The following TBX20 variants were observed in gnomAD, a reference collection of about 807,000 sequenced individuals.
The protein encoded by TBX20 is T-box transcription factor TBX20.
A neutral mutation model predicts 42.9 loss-of-function variants in TBX20; 8 were observed. The ratio of observed to expected loss-of-function variants is 0.19; its 90% CI spans 0.11 to 0.34. TBX20 has a LOEUF of 0.34. TBX20 is among the 10% of genes least tolerant of loss of function. TBX20 has a pLI of 1.00. For synonymous variants in TBX20, 198 were observed against 222.8 expected (o/e 0.89, Z 0.99); for missense variants, 411 against 566.0 (o/e 0.73, Z 2.78).
intron 6 of TBX20, among the ~76,000 whole-genome samples, chr7:35,228,095 TAA>T (rs70981903): frequency 0.12 from 17,537 of 150,246 alleles, 1,270 homozygotes; most frequent in Middle Eastern, 0.27. Context: ...AATACTATGA[TAA>T]AAAAAAAAAC....
chr7:35,217,125 T>C (rs949235513), intron 6 of TBX20, among the ~76,000 whole-genome samples: 110 of 152,346 alleles, frequency 7.2e-4, no homozygotes, highest in Middle Eastern at 3.4e-3. Context: ...GACTCTAACT[T>C]AATCTTTTAA....
At position 35,248,771 on chromosome 7, in the gene TBX20, C is replaced by T. The variant is rs1790246630; in HGVS notation, c.451G>A (p.Asp151Asn). The change falls in exon 3 of 8, where the codon GAC becomes AAC. Residue 151 changes from aspartate (D) to asparagine (N), a missense_variant. Asp to Asn is a conservative substitution (Grantham distance 23). Around this residue, in one of 5 missense-constraint regions of TBX20, gnomAD observed 121 missense variants for 165.9 expected, o/e 0.73. Coordinates refer to ENST00000408931, the MANE Select transcript of TBX20 (RefSeq NM_001077653.2). Reference sequence around the variant, plus strand: ...CTCTTGTTGTCCACAGGGACGATGTCCATCAGGACTATGTACTTGGCCTCA... The same window carrying T: ...CTCTTGTTGTCCACAGGGACGATGTTCATCAGGACTATGTACTTGGCCTCA... Reference protein sequence around the residue: ...DPEAKYIVLMDIVPVDNKRYR... With the variant: ...DPEAKYIVLMNIVPVDNKRYR... 1 of 1,614,006 alleles carries T rather than the reference C, an allele frequency of 6.2e-7. No individual in the cohort carries two copies. The highest frequency in any genetic ancestry group is 8.5e-7 in the Non-Finnish European group (1 of 1,180,044).
rs1790148644 is a variant in TBX20, at chr7:35,244,835, A to G, written c.654+114T>C. The G allele has an allele frequency of 8.0e-6, 6 of 750,828 alleles. No individual in the cohort carries two copies. In the South Asian group the frequency reaches 8.7e-5, roughly 11 times the overall value. The allele number at this position is 750,828 out of a possible 1,614,324, so 46.5% of individuals were successfully genotyped here. A position where few individuals can be genotyped will look rare whatever the true frequency, so the allele number is the denominator to read the frequency against. The stretch of plus-strand genomic sequence containing the variant: ...AATGTTCCCATAAAATGACTCAGAG[A>G]TAGAAGGTGGGAAGGGGATAGGGAA... On this transcript the variant is annotated intron_variant, in intron 4 of 7. Coordinates refer to ENST00000408931, the MANE Select transcript of TBX20 (RefSeq NM_001077653.2).
intron 5 of TBX20, among the ~76,000 whole-genome samples, chr7:35,232,724 T>C (rs542843504): frequency 1.3e-5 from 2 of 152,296 alleles, no homozygotes; most frequent in South Asian, 2.1e-4. Context: ...AAACAGATAG[T>C]TTGAAATACT....
intron 6 of TBX20, among the ~76,000 whole-genome samples, chr7:35,220,458 C>T (rs1211768185): frequency 6.6e-6 from 1 of 152,226 alleles, no homozygotes; most frequent in Non-Finnish European, 1.5e-5. Flanking sequence ...TTTCTAGCTG[C>T]TGAGACAGAG....
intron 3 of TBX20, among the ~76,000 whole-genome samples, chr7:35,247,376 A>G (rs1790214786): frequency 6.6e-6 from 1 of 152,050 alleles, no homozygotes; most frequent in African/African-American, 2.4e-5. Context: ...CTAAAAAAAA[A>G]CTAATAGCAA....
At chr7:35,252,427 C>T (rs1584361142) in intron 1 of TBX20, among the ~76,000 whole-genome samples, 2 of 146,672 alleles carry the variant, frequency 1.4e-5, no homozygotes, top group Admixed American at 6.8e-5. Context: ...CTACTAGTTT[C>T]TTTTTCCTTG....
chr7:35,253,476 C>G lies in TBX20; in HGVS notation c.127+18G>C, dbSNP rs551552869. 4.4e-6 allele frequency: 7 copies of G among 1,604,478 alleles called. No individual in the cohort carries two copies. The African/African-American group carries it at 9.4e-5, about 21-fold the overall frequency. ...AGCATCCCCAGTCCTCGGCGGACAG[C>G]CGGGTAGCCCAACTTACCCAGGGGT... is the stretch of plus-strand genomic sequence containing the variant. On this transcript the variant is annotated intron_variant, in intron 1 of 7. Transcript: ENST00000408931.
At chr7:35,245,866 A>C (rs1218246731) in intron 3 of TBX20, among the ~76,000 whole-genome samples, 1 of 152,188 alleles carries the variant, frequency 6.6e-6, no homozygotes, top group African/African-American at 2.4e-5. Context: ...GTAAGTCCCC[A>C]TCCTGGTATC....
chr7:35,215,881 T>A (rs1479139417), intron 6 of TBX20, among the ~76,000 whole-genome samples: 2 of 152,174 alleles, frequency 1.3e-5, no homozygotes, highest in Non-Finnish European at 2.9e-5. Flanking sequence ...TTATTCAACC[T>A]CTAGACAAGC....
chr7:35,211,594 T>G (rs1269333890), intron 6 of TBX20, among the ~76,000 whole-genome samples: 3 of 152,198 alleles, frequency 2.0e-5, no homozygotes, highest in Non-Finnish European at 4.4e-5. Flanking sequence ...TTTACAATGG[T>G]GCAAAAGCAG....
intron 6 of TBX20, among the ~76,000 whole-genome samples, chr7:35,205,119 TATAG>T (rs1324885107): frequency 1.3e-5 from 2 of 152,078 alleles, no homozygotes; most frequent in African/African-American, 4.8e-5. Context: ...TATAGTACAA[TATAG>T]ATAGTTTGGG....
rs1790352731 is a variant in TBX20, at chr7:35,253,706, A to T, written c.-86T>A. 1.3e-6 allele frequency: 2 copies of T among 1,544,206 alleles called. No homozygotes were observed. Among genetic ancestry groups the T allele is most frequent in the Admixed American group, 3.8e-5 (2 of 53,246 alleles). ...CAAGGGAGACAAAGACCCGAAACAC[A>T]GCTCAAAGTTTCCGAGAGCAGTCAC... On this transcript the variant is annotated 5_prime_UTR_variant, in exon 1 of 8. Coordinates refer to ENST00000408931, the MANE Select transcript of TBX20 (RefSeq NM_001077653.2).
At chr7:35,233,164 G>A (rs56664874) in intron 5 of TBX20, among the ~76,000 whole-genome samples, 3,313 of 151,620 alleles carry the variant, frequency 0.022, 106 homozygotes, top group African/African-American at 0.074. Context: ...TCTTTTTCAT[G>A]GTTTCTGAAC....
intron 6 of TBX20, among the ~76,000 whole-genome samples, chr7:35,213,840 T>C (rs185151711): frequency 5.3e-4 from 71 of 134,112 alleles, no homozygotes; most frequent in African/African-American, 1.8e-3. Flanking sequence ...CAAAGAAGTA[T>C]TGAGTCACTA....
At chr7:35,234,014 G>A (rs1789916268) in intron 5 of TBX20, among the ~76,000 whole-genome samples, 1 of 152,202 alleles carries the variant, frequency 6.6e-6, no homozygotes. Context: ...AAACTGTGAG[G>A]TGGAGCAATA....
At chr7:35,223,873 G>A (rs1198762103) in intron 6 of TBX20, among the ~76,000 whole-genome samples, 1 of 152,208 alleles carries the variant, frequency 6.6e-6, no homozygotes, top group Non-Finnish European at 1.5e-5. Context: ...ATGGGGTCAA[G>A]AAAGGGTTGT....
chr7:35,234,904 T>C (rs1789933652), intron 5 of TBX20, among the ~76,000 whole-genome samples: 1 of 152,140 alleles, frequency 6.6e-6, no homozygotes, highest in Non-Finnish European at 1.5e-5. Context: ...GCACAGAGAT[T>C]GTGGATTAAA....
At chr7:35,242,551 G>A (rs564252933) in intron 4 of TBX20, among the ~76,000 whole-genome samples, 3 of 152,106 alleles carry the variant, frequency 2.0e-5, no homozygotes, top group Non-Finnish European at 4.4e-5. Flanking sequence ...AAGATAGGAA[G>A]AATTTTCAAA....
Sources: gnomAD v4.1 joint callset for allele counts (sites outside exome capture counted in the v4.1 genomes callset) on GRCh38, gnomAD v4.1.1 for gene constraint, gnomAD v4.1.1 regional missense constraint, MANE v1.5 for transcripts, NCBI Gene and HGNC (gene_info 2026-07-23, HGNC 2026-07-21) for gene names.